Variants in PLEKHA5 observed in about 807,000 individuals in gnomAD.
PLEKHA5 encodes the protein pleckstrin homology domain-containing family A member 5.
A neutral mutation model predicts 181.9 loss-of-function variants in PLEKHA5; 55 were observed. The observed-to-expected ratio is 0.30, with a 90% CI of 0.24 to 0.38. The LOEUF (loss-of-function observed/expected upper bound fraction) is 0.38. Ranked by LOEUF, PLEKHA5 falls within the 10% of genes least tolerant of loss-of-function variation. PLEKHA5 has a pLI of 1.00. For missense variants in PLEKHA5, 1,432 were observed against 1,549.5 expected, an observed-to-expected ratio of 0.92 and a Z score of 1.27; for synonymous variants, 535 against 529.4, an observed-to-expected ratio of 1.01 and a Z score of -0.15.
At chr12:19,137,963 A>G (rs2036143640) in intron 3 of PLEKHA5, among the ~76,000 whole-genome samples, 1 of 152,226 alleles carries the variant, frequency 6.6e-6, no homozygotes, top group Admixed American at 6.5e-5. Flanking sequence ...GGATTTGTCA[A>G]GGGACTTTTT....
In PLEKHA5 at chr12:19,255,234, G is replaced by A. The variant is rs949876698; in HGVS notation, c.432+69G>A. On this transcript the variant is annotated intron_variant, in intron 5 of 31. Transcript: ENST00000429027. ...AGTATCTATACCGTTACTCATAATG[G>A]ACTTAAAAGTATAGAATAATAATTA... 10 of 908,128 alleles carry A rather than the reference G, an allele frequency of 1.1e-5. No individual in the cohort carries two copies. In the African/African-American group the frequency reaches 1.2e-4, roughly 11 times the overall value. The allele number at this position is 908,128 out of a possible 1,614,324, so 56.3% of individuals were successfully genotyped here.
chr12:19,366,721 T>C (rs889454047), intron 30 of PLEKHA5, among the ~76,000 whole-genome samples: 2 of 152,144 alleles, frequency 1.3e-5, no homozygotes, highest in African/African-American at 2.4e-5. Flanking sequence ...TCTCAGAGTA[T>C]TCACAAGCCT....
chr12:19,308,544 A>G (rs987281830), intron 15 of PLEKHA5, among the ~76,000 whole-genome samples: 25 of 152,288 alleles, frequency 1.6e-4, no homozygotes, highest in African/African-American at 5.3e-4. Context: ...TGTTTATGTC[A>G]TATAATTTCC....
At position 19,129,872 on chromosome 12, in the gene PLEKHA5, C is replaced by A. The variant is rs2032812203; in HGVS notation, c.73C>A (p.Arg25=). ...SWTYGITRGG[R]VFFINEEAKS... ...GACTTACGGGATCACCAGGGGCGGC[C>A]GAGTCTTCTTCATCAAGTAAAGAGC... Residue 25 remains arginine, a synonymous_variant, in exon 1 of 32, where the codon CGA becomes AGA. Transcript: ENST00000429027. 1.9e-6 allele frequency: 3 copies of A among 1,603,236 alleles called. No homozygotes were observed.
intron 3 of PLEKHA5, among the ~76,000 whole-genome samples, chr12:19,165,567 T>C (rs561625668): frequency 6.2e-4 from 94 of 152,226 alleles, no homozygotes; most frequent in Admixed American, 1.2e-3. Context: ...TTTAATCAGT[T>C]TTAAATTGGC....
In PLEKHA5 at chr12:19,130,027, C is replaced by T. The variant is rs1395742068; in HGVS notation, c.90-24C>T. 1 of 1,558,320 alleles carries T rather than the reference C, an allele frequency of 6.4e-7. No individual in the cohort carries two copies. Among genetic ancestry groups the T allele is most frequent in the South Asian group, 1.2e-5 (1 of 85,420 alleles). Reference sequence around the variant, plus strand: ...CCGCGTCCCCTCTCACGCTCCGTGTCTGCCCCTTCTCTCACCCCTGCAGCG... The same window carrying T: ...CCGCGTCCCCTCTCACGCTCCGTGTTTGCCCCTTCTCTCACCCCTGCAGCG... On this transcript the variant is annotated intron_variant, in intron 1 of 31. Coordinates refer to ENST00000429027, the MANE Select transcript of PLEKHA5 (RefSeq NM_001256470.2). This position sits in a 1 kb window ranked among gnomAD's most constrained non-coding sequence, Gnocchi z 4.5.
At chr12:19,353,075 G>A (rs969547791) in intron 25 of PLEKHA5, among the ~76,000 whole-genome samples, 6 of 148,316 alleles carry the variant, frequency 4.0e-5, no homozygotes, top group Admixed American at 6.7e-5. Flanking sequence ...GGCATGAACA[G>A]AATTTTGTTT....
chr12:19,312,684 A>G (rs972611433), intron 15 of PLEKHA5, among the ~76,000 whole-genome samples: 7 of 152,272 alleles, frequency 4.6e-5, no homozygotes, highest in African/African-American at 1.4e-4. Flanking sequence ...TGACTGTTTG[A>G]TCTTCTCTTC....
chr12:19,328,046 A>G (rs1329403996), intron 20 of PLEKHA5, among the ~76,000 whole-genome samples: 1 of 152,226 alleles, frequency 6.6e-6, no homozygotes, highest in Non-Finnish European at 1.5e-5. Flanking sequence ...ATTCTTCTGC[A>G]TATGGCTAGC....
chr12:19,312,968 G>C (rs1459880980), intron 15 of PLEKHA5, among the ~76,000 whole-genome samples: 5 of 152,138 alleles, frequency 3.3e-5, no homozygotes, highest in Non-Finnish European at 7.3e-5. Flanking sequence ...CCATTGTAGG[G>C]TTATTAATTG....
At chr12:19,193,655 C>A (rs2051830621) in intron 3 of PLEKHA5, among the ~76,000 whole-genome samples, 1 of 152,118 alleles carries the variant, frequency 6.6e-6, no homozygotes, top group Non-Finnish European at 1.5e-5. Flanking sequence ...TACGAAGCAA[C>A]CTCCTATCAT....
At chr12:19,335,031 T>G (rs1395262275) in intron 20 of PLEKHA5, among the ~76,000 whole-genome samples, 1 of 22,066 alleles carries the variant, frequency 4.5e-5, no homozygotes, top group African/African-American at 6.2e-5. Context: ...CAGTTTTTTG[T>G]TTTTTTTTTT....
At chr12:19,270,165 C>CTG (rs1565545024) in intron 9 of PLEKHA5, 23 bp from the exon 10 acceptor site, 2 of 1,408,576 alleles carry the variant, frequency 1.4e-6, no homozygotes, top group Non-Finnish European at 1.9e-6. Context: ...AACATTCAAA[C>CTG]TGAATGTTCT....
At chr12:19,348,834 G>A (rs976820793) in intron 25 of PLEKHA5, among the ~76,000 whole-genome samples, 2 of 152,082 alleles carry the variant, frequency 1.3e-5, no homozygotes, top group African/African-American at 4.8e-5. Flanking sequence ...ATGGTGGCAC[G>A]TGCCTGAATC....
intron 3 of PLEKHA5, among the ~76,000 whole-genome samples, chr12:19,180,118 T>TG (rs2048217010): frequency 6.6e-6 from 1 of 152,188 alleles, no homozygotes; most frequent in Admixed American, 6.5e-5. Context: ...CAAGGTGCAG[T>TG]ATGCTGGTGA....
chr12:19,310,155 C>T (rs1000573360), intron 15 of PLEKHA5, among the ~76,000 whole-genome samples: 65 of 152,156 alleles, frequency 4.3e-4, no homozygotes, highest in Non-Finnish European at 8.8e-5. Flanking sequence ...AAGCATTTAA[C>T]TCATTTCAAG....
At chr12:19,353,823 AAAAG>A in intron 25 of PLEKHA5, 57 bp from the exon 26 acceptor site, 1 of 792,232 alleles carries the variant, frequency 1.3e-6, no homozygotes, top group Admixed American at 2.1e-5. Flanking sequence ...TAAGTAAGCT[AAAAG>A]AAAGCAATGC....
chr12:19,223,000 CTTTTTTTT>C (rs62719560), intron 3 of PLEKHA5, among the ~76,000 whole-genome samples: 1 of 128,928 alleles, frequency 7.8e-6, no homozygotes, highest in South Asian at 2.5e-4. Context: ...GAAATTTTGT[CTTTTTTTT>C]TTTTTTTTTT....
chr12:19,295,010 C>T (rs2079401027), intron 15 of PLEKHA5, among the ~76,000 whole-genome samples: 1 of 152,148 alleles, frequency 6.6e-6, no homozygotes. Context: ...GTTTATGCTT[C>T]CATAGCCCAG....
Sources: gnomAD v4.1 joint callset for allele counts (sites outside exome capture counted in the v4.1 genomes callset) on GRCh38, gnomAD v4.1.1 for gene constraint, Gnocchi (gnomAD v3.1) non-coding constraint, MANE v1.5 for transcripts, NCBI Gene and HGNC (gene_info 2026-07-23, HGNC 2026-07-21) for gene names.